Variants in PHC3 observed in about 807,000 individuals in gnomAD.
PHC3 encodes polyhomeotic homolog 3.
Under a neutral mutation model 107.4 loss-of-function variants are expected in PHC3, and 13 were observed. That is an observed-to-expected ratio of 0.12 (90% confidence interval 0.08 to 0.19). The LOEUF (loss-of-function observed/expected upper bound fraction) is 0.19, where lower values mean the gene tolerates loss of function less well. Ranked by LOEUF, PHC3 falls within the 10% of genes least tolerant of loss-of-function variation. The pLI, the probability that PHC3 is intolerant of heterozygous loss-of-function variation, is 1.00. For missense variants in PHC3, 992 were observed against 1,210.9 expected, an observed-to-expected ratio of 0.82 and a Z score of 2.68; for synonymous variants, 456 against 427.4, an observed-to-expected ratio of 1.07 and a Z score of -0.83.
chr3:170,174,186 C>A (rs1456410805), intron 2 of PHC3, among the ~76,000 whole-genome samples: 1 of 151,070 alleles, frequency 6.6e-6, no homozygotes, highest in Non-Finnish European at 1.5e-5. Context: ...GAGCAAGACC[C>A]CATCTCAAAA....
chr3:170,146,439 C>G (rs1351154136), intron 5 of PHC3, among the ~76,000 whole-genome samples: 1 of 150,600 alleles, frequency 6.6e-6, no homozygotes, highest in African/African-American at 2.4e-5. Context: ...TGTAAAAGTT[C>G]AACAACAAAA....
At position 170,117,186 on chromosome 3, in the gene PHC3, A is replaced by G. The variant is rs1251225522; in HGVS notation, c.2193+40T>C. On this transcript the variant is annotated intron_variant, in intron 10 of 14. Coordinates refer to ENST00000495893, the MANE Select transcript of PHC3 (RefSeq NM_024947.4). Reference sequence around the variant, plus strand: ...TATGTAACTTTTAAAATAATGTTATATAAATTACAAACACACACACAAATA... The same window carrying G: ...TATGTAACTTTTAAAATAATGTTATGTAAATTACAAACACACACACAAATA... 5 of 1,612,040 alleles carry G rather than the reference A, an allele frequency of 3.1e-6. No individual in the cohort carries two copies. The South Asian group carries it at 4.4e-5, about 14-fold the overall frequency.
At position 170,128,702 on chromosome 3, in the gene PHC3, T is replaced by G; in HGVS notation, c.1770A>C (p.Ala590=). 2.5e-6 allele frequency: 4 copies of G among 1,613,950 alleles called. No individual in the cohort carries two copies. In the South Asian group the frequency reaches 3.3e-5, roughly 13 times the overall value. ...VAVNLQVQPP[A]PVDPPVVYQV... Reference sequence around the variant, plus strand: ...GGCTTACCACTGGTGGATCAACAGGTGCTGGTGGTTGCACTTGTAGGTTTA... The same window carrying G: ...GGCTTACCACTGGTGGATCAACAGGGGCTGGTGGTTGCACTTGTAGGTTTA... The change falls in exon 8 of 15, where the codon GCA becomes GCC. Residue 590 remains alanine (A), a synonymous_variant. Coordinates refer to ENST00000495893, the MANE Select transcript of PHC3 (RefSeq NM_024947.4).
At chr3:170,146,574 C>T (rs1328301068) in intron 5 of PHC3, among the ~76,000 whole-genome samples, 1 of 147,136 alleles carries the variant, frequency 6.8e-6, no homozygotes, top group Non-Finnish European at 1.5e-5. Flanking sequence ...TCTCTGTCAC[C>T]CAGGCTAGAG....
chr3:170,101,106 A>T (rs926763884), intron 14 of PHC3, among the ~76,000 whole-genome samples: 1 of 152,216 alleles, frequency 6.6e-6, no homozygotes, highest in Non-Finnish European at 1.5e-5. Context: ...TGTCTTCTAA[A>T]TACACCCAGT....
intron 9 of PHC3, among the ~76,000 whole-genome samples, chr3:170,121,588 T>C (rs1379029618): frequency 6.6e-6 from 1 of 152,096 alleles, no homozygotes; most frequent in Non-Finnish European, 1.5e-5. Context: ...GAACTCAAAC[T>C]CCAGGGCTCA....
chr3:170,129,953 C>T (rs1223323178), intron 7 of PHC3, among the ~76,000 whole-genome samples: 2 of 152,200 alleles, frequency 1.3e-5, no homozygotes, highest in Non-Finnish European at 2.9e-5. Flanking sequence ...CCCAACTCAG[C>T]CTCCCAAAGT....
At chr3:170,119,631 G>A (rs1719806369) in intron 9 of PHC3, among the ~76,000 whole-genome samples, 1 of 152,074 alleles carries the variant, frequency 6.6e-6, no homozygotes, top group Non-Finnish European at 1.5e-5. Flanking sequence ...GAAAACCCAA[G>A]TTCTAACTGA....
rs190251354 is a variant in PHC3 at position 170,162,399 on chromosome 3, T to C, written c.414+8974A>G. On this transcript the variant is annotated intron_variant, in intron 4 of 14. Transcript: ENST00000495893. ...TAATTTTCTTCTCCAATACCTCCTT[T>C]AGCTCCCAATTTTTCCAGATGCTTG... is the stretch of plus-strand genomic sequence containing the variant. Among the ~76,000 whole-genome samples, 344 of 152,320 alleles carry C rather than the reference T, an allele frequency of 2.3e-3. 1 individual carries two copies. The highest frequency in any genetic ancestry group is 7.7e-3 in the African/African-American group (320 of 41,572).
Position 170,149,101 on chromosome 3 carries a change from A to G in PHC3, c.558T>C (p.Tyr186=), listed in dbSNP as rs768415571. ...PTLTASQAQM[Y]LRAQMLIFTP... The stretch of plus-strand genomic sequence containing the variant: ...CATATCTTACCATTTGAGCTCGGAG[A>G]TACATTTGAGCTTGGCTTGCCGTTA... Residue 186 remains tyrosine (Y), a synonymous_variant, in exon 5 of 15, where the codon TAT becomes TAC. Coordinates refer to ENST00000495893, the MANE Select transcript of PHC3 (RefSeq NM_024947.4). The G allele has an allele frequency of 1.2e-5, 19 of 1,612,818 alleles. No individual in the cohort carries two copies. The highest frequency in any genetic ancestry group is 5.5e-5 in the South Asian group (5 of 90,824).
At position 170,118,708 on chromosome 3, in the gene PHC3, C is replaced by A. The variant is rs925448849; in HGVS notation, c.1943-1232G>T. ...TTACAGGCGTGAGCCACTCACCATGCCTGGCTGCCTGGATAAATTTTTTTA... is the reference window on the plus strand; with the variant it reads ...TTACAGGCGTGAGCCACTCACCATGACTGGCTGCCTGGATAAATTTTTTTA... On this transcript the variant is annotated intron_variant, in intron 9 of 14. Coordinates refer to ENST00000495893, the MANE Select transcript of PHC3 (RefSeq NM_024947.4). Among the ~76,000 whole-genome samples the A allele has an allele frequency of 5.9e-5, 9 of 152,150 alleles. No homozygotes were observed. The South Asian group carries it at 1.9e-3, about 32-fold the overall frequency.
chr3:170,178,077 G>A (rs1730774187), intron 2 of PHC3, among the ~76,000 whole-genome samples: 1 of 152,090 alleles, frequency 6.6e-6, no homozygotes, highest in African/African-American at 2.4e-5. Flanking sequence ...GTGTTAAGAG[G>A]TAGGACCCCT....
intron 4 of PHC3, among the ~76,000 whole-genome samples, chr3:170,158,185 G>GA (rs1218783396): frequency 6.6e-6 from 1 of 151,292 alleles, no homozygotes; most frequent in Admixed American, 6.6e-5. Flanking sequence ...CGTCATGAAA[G>GA]AAAAAAAATG....
At chr3:170,178,034 G>T (rs1321234947) in intron 2 of PHC3, among the ~76,000 whole-genome samples, 1 of 152,040 alleles carries the variant, frequency 6.6e-6, no homozygotes, top group Non-Finnish European at 1.5e-5. Flanking sequence ...CCCCAATTAA[G>T]TATGTGTTGG....
rs906361614 is a variant in PHC3 at position 170,094,690 on chromosome 3, C to G, written c.*2540G>C. ...TGCACCAATGTGATAGCAAACAAGCCATTTTTAAATAAAAACTCACTTGAA... is the reference window on the plus strand; with the variant it reads ...TGCACCAATGTGATAGCAAACAAGCGATTTTTAAATAAAAACTCACTTGAA... On this transcript the variant is annotated 3_prime_UTR_variant, in exon 15 of 15. Transcript: ENST00000495893. 4 of 152,058 alleles carry G rather than the reference C, an allele frequency of 2.6e-5. No individual in the cohort carries two copies. Among genetic ancestry groups the G allele is most frequent in the African/African-American group, 9.7e-5 (4 of 41,404 alleles). 9.4% of individuals were successfully genotyped at this position (152,058 alleles called of 1,614,324 possible).
chr3:170,108,651 A>G (rs773258546), intron 11 of PHC3, among the ~76,000 whole-genome samples: 2 of 152,182 alleles, frequency 1.3e-5, no homozygotes, highest in East Asian at 1.9e-4. Context: ...ACCTGAAAAC[A>G]TAATTCCTAG....
At chr3:170,105,112 GAGA>G (rs1182038362) in intron 12 of PHC3, among the ~76,000 whole-genome samples, 1 of 152,196 alleles carries the variant, frequency 6.6e-6, no homozygotes, top group Non-Finnish European at 1.5e-5. Flanking sequence ...TCATCTCTGA[GAGA>G]AGACTGATGG....
At position 170,091,795 on chromosome 3, in the gene PHC3, CAT is replaced by C. The variant is rs1714116028; in HGVS notation, c.*5433_*5434del. 6.6e-6 allele frequency: 1 copy of C among 151,658 alleles called. No homozygotes were observed. The highest frequency in any genetic ancestry group is 1.5e-5 in the Non-Finnish European group (1 of 67,766). The allele number at this position is 151,658 out of a possible 1,614,324, so 9.4% of individuals were successfully genotyped here. A position where few individuals can be genotyped will look rare whatever the true frequency, so the allele number is the denominator to read the frequency against. On this transcript the variant is annotated 3_prime_UTR_variant, in exon 15 of 15. Transcript: ENST00000495893. ...TACAACTTTCAAAAAAAAGCTTTCT[CAT>C]AGTACAATTTTAAAACGGATTAGGT...
chr3:170,114,164 C>T lies in PHC3; in HGVS notation c.2194-645G>A, dbSNP rs138772009. On this transcript the variant is annotated intron_variant, in intron 10 of 14. Transcript: ENST00000495893. Reference sequence around the variant, plus strand: ...AGCTGGGATTACGGGCATGTGCCACCGCGCCTGGCTAATTTTGTATTTTTA... The same window carrying T: ...AGCTGGGATTACGGGCATGTGCCACTGCGCCTGGCTAATTTTGTATTTTTA... Among the ~76,000 whole-genome samples, 722 of 152,160 alleles carry T rather than the reference C, an allele frequency of 4.7e-3. 4 individuals are homozygous for T. The highest frequency in any genetic ancestry group is 0.017 in the African/African-American group (690 of 41,522).
Sources: gnomAD v4.1 joint callset for allele counts (sites outside exome capture counted in the v4.1 genomes callset) on GRCh38, gnomAD v4.1.1 for gene constraint, MANE v1.5 for transcripts, NCBI Gene and HGNC (gene_info 2026-07-23, HGNC 2026-07-21) for gene names.